The following MTMR14 variants were observed in gnomAD, a reference collection of about 807,000 sequenced individuals.
MTMR14 encodes phosphatidylinositol-3,5-bisphosphate 3-phosphatase MTMR14.
Under a neutral mutation model 86.3 loss-of-function variants are expected in MTMR14, and 48 were observed. The ratio of observed to expected loss-of-function variants is 0.56; its 90% CI spans 0.44 to 0.71. MTMR14 has a LOEUF of 0.71. MTMR14 is among the 30% of genes least tolerant of loss of function. The pLI is 0.00. For missense variants in MTMR14, 780 were observed against 834.6 expected, an observed-to-expected ratio of 0.93 and a Z score of 0.81; for synonymous variants, 366 against 326.1, an observed-to-expected ratio of 1.12 and a Z score of -1.32.
chr3:9,658,489 G>A (rs2047736634), intron 2 of MTMR14, among the ~76,000 whole-genome samples: 1 of 152,194 alleles, frequency 6.6e-6, no homozygotes, highest in Admixed American at 6.5e-5. Context: ...TAGGTCTAGT[G>A]GGAAACAGAG....
chr3:9,687,558 T>TAA (rs756707748), intron 13 of MTMR14, among the ~76,000 whole-genome samples: 7 of 133,458 alleles, frequency 5.2e-5, no homozygotes, highest in African/African-American at 8.2e-5. Context: ...CTGTCTCAAA[T>TAA]AAAAAAAAAA....
intron 7 of MTMR14, among the ~76,000 whole-genome samples, chr3:9,676,324 G>A (rs1055305746): frequency 6.6e-6 from 1 of 152,258 alleles, no homozygotes; most frequent in African/African-American, 2.4e-5. Context: ...TGGAGGACCA[G>A]ATGCTCTCTG....
intron 17 of MTMR14, among the ~76,000 whole-genome samples, chr3:9,690,649 T>C (rs947660178): frequency 5.3e-5 from 8 of 152,224 alleles, no homozygotes; most frequent in Non-Finnish European, 2.9e-5. Flanking sequence ...GGGCCGTGGC[T>C]GAAGGGCGCT....
At chr3:9,654,237 C>T (rs2047470249) in intron 2 of MTMR14, among the ~76,000 whole-genome samples, 1 of 152,222 alleles carries the variant, frequency 6.6e-6, no homozygotes, top group African/African-American at 2.4e-5. Flanking sequence ...AGTTACTTAA[C>T]TGCTTTGTCC....
At chr3:9,666,927 C>A (rs1172670123) in intron 3 of MTMR14, among the ~76,000 whole-genome samples, 2 of 152,228 alleles carry the variant, frequency 1.3e-5, no homozygotes, top group Non-Finnish European at 2.9e-5. Context: ...CAAGAGGGGT[C>A]AGCCCTCCCA....
chr3:9,692,822 CCTG>C (rs1001379811), intron 17 of MTMR14, among the ~76,000 whole-genome samples: 1 of 152,242 alleles, frequency 6.6e-6, no homozygotes, highest in African/African-American at 2.4e-5. Flanking sequence ...GCCACCACCA[CCTG>C]CTAACTGCTC....
intron 16 of MTMR14, 140 bp downstream of exon 16, chr3:9,689,222 T>A: frequency 7.5e-7 from 1 of 1,326,912 alleles, no homozygotes. Context: ...TCCTGCTGTC[T>A]CTACTGGGCC....
chr3:9,654,716 C>T (rs2047497929), intron 2 of MTMR14, among the ~76,000 whole-genome samples: 1 of 152,202 alleles, frequency 6.6e-6, no homozygotes, highest in South Asian at 2.1e-4. Flanking sequence ...CTGCATAGTG[C>T]AGTAGCCCCT....
At position 9,649,536 on chromosome 3, in the gene MTMR14, G is replaced by T; in HGVS notation, c.-48G>T. On this transcript the variant is annotated 5_prime_UTR_variant, in exon 1 of 19. Coordinates refer to ENST00000296003, the MANE Select transcript of MTMR14 (RefSeq NM_001077525.3). ...TAGTGTCGGAGTTGGGTGCAGGCAG[G>T]TGCCATGGGCCCGCTTGAGGCACAC... 6.6e-7 allele frequency: 1 copy of T among 1,511,982 alleles called. No individual in the cohort carries two copies. The highest frequency in any genetic ancestry group is 8.8e-7 in the Non-Finnish European group (1 of 1,132,542). The allele number at this position is 1,511,982 out of a possible 1,614,324, so 93.7% of individuals were successfully genotyped here.
chr3:9,673,853 G>C (rs750825414), intron 7 of MTMR14, among the ~76,000 whole-genome samples: 4 of 152,096 alleles, frequency 2.6e-5, no homozygotes, highest in African/African-American at 9.7e-5. Flanking sequence ...CAGGCCTAAT[G>C]ATGAGTAGTT....
rs115060760 is a variant in MTMR14, at chr3:9,656,211, A to G, written c.308+2442A>G. The stretch of plus-strand genomic sequence containing the variant: ...TCCATCTCAAAAAAATAAAAAAAAA[A>G]GAGTGCCCATTTCACAAGGTTGTAG... On this transcript the variant is annotated intron_variant, in intron 2 of 18. Transcript: ENST00000296003. Among the ~76,000 whole-genome samples, 625 of 152,136 alleles carry G rather than the reference A, an allele frequency of 4.1e-3. 5 individuals carry two copies. Among genetic ancestry groups the G allele is most frequent in the African/African-American group, 0.014 (586 of 41,492 alleles).
chr3:9,699,519 T>C (rs2076388871), intron 18 of MTMR14: 1 of 152,208 alleles, frequency 6.6e-6, no homozygotes, highest in South Asian at 2.1e-4. Context: ...TTGGGCTTTG[T>C]TATCAGAAAA....
intron 3 of MTMR14, among the ~76,000 whole-genome samples, chr3:9,668,479 C>G (rs890058205): frequency 2.0e-5 from 3 of 152,214 alleles, no homozygotes; most frequent in Non-Finnish European, 4.4e-5. Flanking sequence ...CAATCTGATC[C>G]GATCCTGTTG....
intron 17 of MTMR14, 129 bp from the exon 18 acceptor site, chr3:9,697,582 C>A: frequency 9.4e-7 from 1 of 1,062,678 alleles, no homozygotes; most frequent in Non-Finnish European, 1.4e-6. Context: ...TTTTTTTAGA[C>A]TTTTGGAGAC....
At chr3:9,690,889 A>G (rs1358820305) in intron 17 of MTMR14, among the ~76,000 whole-genome samples, 1 of 152,228 alleles carries the variant, frequency 6.6e-6, no homozygotes, top group African/African-American at 2.4e-5. Flanking sequence ...AAAAAGGGGC[A>G]TTTAGAAGAA....
chr3:9,672,665 A>C lies in MTMR14; in HGVS notation c.678-20A>C. 6.2e-7 allele frequency: 1 copy of C among 1,610,404 alleles called. No homozygotes were observed. Among genetic ancestry groups the C allele is most frequent in the Middle Eastern group, 1.7e-4 (1 of 6,058 alleles). ...TGTGTGTGTTGCGACACTGTAACAC[A>C]TTGTATCCTTGTCTTGTAGTGTAAC... On this transcript the variant is annotated intron_variant, in intron 6 of 18. Transcript: ENST00000296003.
At chr3:9,673,805 A>C in intron 7 of MTMR14, among the ~76,000 whole-genome samples, 1 of 152,172 alleles carries the variant, frequency 6.6e-6, no homozygotes, top group South Asian at 2.1e-4. Context: ...TTAAGAGTGA[A>C]GTGCCAGACC....
At chr3:9,653,891 C>A (rs546568800) in intron 2 of MTMR14, 122 bp downstream of exon 2, 14 of 1,359,546 alleles carry the variant, frequency 1.0e-5, no homozygotes, top group Middle Eastern at 4.2e-4. Context: ...TCCTTATTGG[C>A]ATTTTTATTT....
At chr3:9,669,537 G>A (rs779966631) in intron 5 of MTMR14, 45 bp downstream of exon 5, 3 of 1,593,196 alleles carry the variant, frequency 1.9e-6, no homozygotes, top group Non-Finnish European at 2.6e-6. Context: ...TTGGGGATGG[G>A]GTGTCTGGCC....
Sources: allele counts gnomAD v4.1 joint callset (sites outside exome capture counted in the v4.1 genomes callset), GRCh38; gene constraint gnomAD v4.1.1; transcripts MANE v1.5; gene names NCBI Gene and HGNC (gene_info 2026-07-23, HGNC 2026-07-21).